MYOM2: variants seen among roughly 807,000 people sequenced by gnomAD.
The protein encoded by MYOM2 is myomesin-2.
MYOM2 carries 254 observed loss-of-function variants against 187.6 expected under a neutral mutation model. That is an observed-to-expected ratio of 1.35 (90% CI 1.22 to 1.50). The LOEUF is 1.50. Among genes scored for constraint, MYOM2 ranks in the 40% most tolerant of loss-of-function variants. MYOM2 has a pLI of 0.00. For synonymous variants in MYOM2, 981 were observed against 753.8 expected, an observed-to-expected ratio of 1.30 and a Z score of -4.94; for missense variants, 2,796 against 1,924.0, an observed-to-expected ratio of 1.45 and a Z score of -8.48.
rs556562685 is a variant in MYOM2 at position 2,120,990 on chromosome 8, G to T, written c.3454-2262G>T. Reference sequence around the variant, plus strand: ...GAAAACATTTATAAAAGAAGAGAAGGTTACTTGCAAGGAAGCTGCAAGGGA... The same window carrying T: ...GAAAACATTTATAAAAGAAGAGAAGTTTACTTGCAAGGAAGCTGCAAGGGA... On this transcript the variant is annotated intron_variant, in intron 28 of 36. Coordinates refer to ENST00000262113, the MANE Select transcript of MYOM2 (RefSeq NM_003970.4). 3.9e-5 allele frequency among the ~76,000 whole-genome samples: 6 copies of T among 151,966 alleles called. No homozygotes were observed. In the East Asian group the frequency reaches 1.2e-3, roughly 30 times the overall value.
chr8:2,064,943 T>C (rs1418075355), intron 6 of MYOM2, among the ~76,000 whole-genome samples: 2 of 152,320 alleles, frequency 1.3e-5, no homozygotes, highest in East Asian at 1.9e-4. Context: ...TGTTGCTTTA[T>C]AGGACTGTAA....
At chr8:2,083,363 G>A (rs1563441718) in intron 13 of MYOM2, among the ~76,000 whole-genome samples, 1 of 152,046 alleles carries the variant, frequency 6.6e-6, no homozygotes, top group Non-Finnish European at 1.5e-5. Flanking sequence ...TGTGCTTAGT[G>A]GCATCTAGCA....
chr8:2,130,678 A>G (rs1490898033), intron 32 of MYOM2, among the ~76,000 whole-genome samples: 2 of 152,170 alleles, frequency 1.3e-5, no homozygotes, highest in South Asian at 2.1e-4. Context: ...CTTTAATTTT[A>G]CTAGCCTGGT....
At chr8:2,096,171 C>G (rs1314621921) in intron 17 of MYOM2, 76 bp from the exon 18 acceptor site, 1 of 1,457,600 alleles carries the variant, frequency 6.9e-7, no homozygotes, top group Non-Finnish European at 9.4e-7. Flanking sequence ...CCCTCTGCCA[C>G]ACTGGAGCTG....
intron 10 of MYOM2, among the ~76,000 whole-genome samples, chr8:2,075,324 C>A (rs781241655): frequency 6.6e-6 from 1 of 152,148 alleles, no homozygotes; most frequent in African/African-American, 2.4e-5. Flanking sequence ...CAACACGGCT[C>A]AAATCGCCTT....
Position 2,109,545 on chromosome 8 carries a change from T to G in MYOM2, c.3180+14T>G, listed in dbSNP as rs1797001378. The G allele has an allele frequency of 6.2e-7, 1 of 1,600,908 alleles. No homozygotes were observed. The highest frequency in any genetic ancestry group is 8.5e-7 in the Non-Finnish European group (1 of 1,174,662). ...TCTGACAGCGAGGTGAGTTCCTGTG[T>G]GAGTGATCTCTGGCTTTGCAGGGAG... is the stretch of plus-strand genomic sequence containing the variant. On this transcript the variant is annotated intron_variant, in intron 25 of 36. Coordinates refer to ENST00000262113, the MANE Select transcript of MYOM2 (RefSeq NM_003970.4).
rs780703908 is a variant in MYOM2 at position 2,140,761 on chromosome 8, G to T, written c.3839G>T (p.Gly1280Val). The change falls in exon 33 of 37, where the codon GGG becomes GTG. Residue 1280 changes from glycine to valine, a missense_variant. By Grantham distance (109) the Gly-to-Val change is moderately radical. Transcript: ENST00000262113. ...KISSSEHMRI[G>V]GSEEMAWLQI... ...TCATCCAGTGAGCATATGAGAATCG[G>T]GGGGAGTGAAGAGATGGCTTGGCTG... The T allele has an allele frequency of 3.7e-6, 6 of 1,614,130 alleles. No individual in the cohort carries two copies. Among genetic ancestry groups the T allele is most frequent in the South Asian group, 1.1e-5 (1 of 91,076 alleles).
intron 14 of MYOM2, among the ~76,000 whole-genome samples, chr8:2,087,894 A>G (rs1296897717): frequency 6.6e-6 from 1 of 152,216 alleles, no homozygotes; most frequent in Non-Finnish European, 1.5e-5. Context: ...TGCTGGGATT[A>G]CAGACACTTT....
chr8:2,061,411 T>G (rs917004341), intron 6 of MYOM2, among the ~76,000 whole-genome samples: 1 of 152,168 alleles, frequency 6.6e-6, no homozygotes, highest in Admixed American at 6.5e-5. Flanking sequence ...TCTCTCCCTC[T>G]GTCTGGCTCC....
intron 32 of MYOM2, among the ~76,000 whole-genome samples, chr8:2,129,818 G>C (rs77003935): frequency 0.028 from 4,194 of 152,120 alleles, 58 homozygotes; most frequent in Middle Eastern, 0.048. Context: ...TACTTCCCAG[G>C]CAAAGCACAA....
chr8:2,050,819 A>G lies in MYOM2; in HGVS notation c.53A>G (p.Gln18Arg), dbSNP rs779946472. The G allele has an allele frequency of 5.6e-6, 9 of 1,613,516 alleles. No homozygotes were observed. The highest frequency in any genetic ancestry group is 1.7e-5 in the Admixed American group (1 of 59,998). Reference sequence around the variant, plus strand: ...CAGAAGAGACATAGGCACTTCGACCAGTCCTACCGTAATATTCAAACACGG... The same window carrying G: ...CAGAAGAGACATAGGCACTTCGACCGGTCCTACCGTAATATTCAAACACGG... ...FYQKRHRHFD[Q>R]SYRNIQTRYL... The change falls in exon 2 of 37, where the codon CAG becomes CGG. Residue 18 changes from glutamine (Q) to arginine (R), a missense_variant. Gln to Arg is a conservative substitution (Grantham distance 43). Coordinates refer to ENST00000262113, the MANE Select transcript of MYOM2 (RefSeq NM_003970.4).
At chr8:2,097,098 A>G in intron 18 of MYOM2, 1 of 981,066 alleles carries the variant, frequency 1.0e-6, no homozygotes, top group Non-Finnish European at 1.2e-6. Flanking sequence ...CACAGACCTC[A>G]GGGGAGTCAC....
intron 14 of MYOM2, among the ~76,000 whole-genome samples, chr8:2,087,514 G>T (rs1796134752): frequency 6.6e-6 from 1 of 152,218 alleles, no homozygotes; most frequent in Non-Finnish European, 1.5e-5. Flanking sequence ...CAAGTGGTCA[G>T]TCCCTCTGTG....
intron 32 of MYOM2, among the ~76,000 whole-genome samples, chr8:2,134,372 G>C (rs753838389): frequency 6.6e-6 from 1 of 152,150 alleles, no homozygotes; most frequent in Non-Finnish European, 1.5e-5. Flanking sequence ...GTTTTAGCTG[G>C]AATACAACAA....
At chr8:2,119,034 C>T (rs77327910) in intron 28 of MYOM2, 10,111 of 152,290 alleles carry the variant, frequency 0.066, 394 homozygotes, top group Middle Eastern at 0.12. Context: ...CAGCACTGTA[C>T]GGGGAGGGCC....
intron 16 of MYOM2, 27 bp downstream of exon 16, chr8:2,092,547 G>A: frequency 6.2e-7 from 1 of 1,610,530 alleles, no homozygotes; most frequent in African/African-American, 1.3e-5. Flanking sequence ...CAGCCCTGGA[G>A]TCAGCCTTGC....
chr8:2,120,680 T>TATATATATATATATATATATATATATATA, intron 28 of MYOM2, among the ~76,000 whole-genome samples: 1 of 48,294 alleles, frequency 2.1e-5, no homozygotes, highest in African/African-American at 6.6e-5. Context: ...ATATATTATA[T>TATATATATATATATATATATATATATATA]TATATATAAA....
Position 2,057,619 on chromosome 8 carries a change from G to C in MYOM2, c.403-4G>C. ...AACCTGACCATCCTTGCTTCTCGGG[G>C]CAGATGGAGGACAAGCTGGCCTGGG... On this transcript the variant is annotated splice_polypyrimidine_tract_variant and splice_region_variant and intron_variant, in intron 4 of 36. Transcript: ENST00000262113. The C allele has an allele frequency of 6.2e-7, 1 of 1,614,032 alleles. No individual in the cohort carries two copies. The highest frequency in any genetic ancestry group is 8.5e-7 in the Non-Finnish European group (1 of 1,179,970).
At chr8:2,065,955 G>A (rs1189836269) in intron 6 of MYOM2, among the ~76,000 whole-genome samples, 1 of 152,216 alleles carries the variant, frequency 6.6e-6, no homozygotes, top group Non-Finnish European at 1.5e-5. Flanking sequence ...GAGCCGTGGG[G>A]CGCAGTGTGA....
Sources: allele counts gnomAD v4.1 joint callset (sites outside exome capture counted in the v4.1 genomes callset), GRCh38; gene constraint gnomAD v4.1.1; transcripts MANE v1.5; gene names NCBI Gene and HGNC (gene_info 2026-07-23, HGNC 2026-07-21).